Variants in ERBB4 observed in about 807,000 individuals in gnomAD.
ERBB4 encodes the protein erb-b2 receptor tyrosine kinase 4, also known as receptor tyrosine-protein kinase erbB-4.
In ERBB4, 42 loss-of-function variants were observed where a neutral mutation model predicts 158.0. That is an observed-to-expected ratio of 0.27 (90% CI 0.21 to 0.34). ERBB4 has a LOEUF of 0.34. Among genes scored for constraint, ERBB4 ranks in the 10% least tolerant of loss-of-function variants. ERBB4 has a pLI of 1.00. For synonymous variants in ERBB4, 583 were observed against 558.7 expected (o/e 1.04, Z -0.61); for missense variants, 1,333 against 1,624.1 (o/e 0.82, Z 3.08).
chr2:211,673,561 G>C (rs998029425), intron 13 of ERBB4, among the ~76,000 whole-genome samples: 4 of 107,718 alleles, frequency 3.7e-5, no homozygotes, highest in Non-Finnish European at 6.0e-5. Context: ...TGATGACACA[G>C]TAAAACCATT....
intron 3 of ERBB4, among the ~76,000 whole-genome samples, chr2:211,937,751 C>T (rs760252943): frequency 4.6e-5 from 7 of 152,082 alleles, no homozygotes; most frequent in Non-Finnish European, 8.8e-5. Context: ...GGAAAACCAA[C>T]CCCATGATTC....
intron 1 of ERBB4, among the ~76,000 whole-genome samples, chr2:212,297,075 A>T (rs2086440560): frequency 6.6e-6 from 1 of 151,978 alleles, no homozygotes; most frequent in Admixed American, 6.6e-5. Flanking sequence ...ATCATTTCAG[A>T]ATTTTAAGTC....
intron 20 of ERBB4, among the ~76,000 whole-genome samples, chr2:211,487,001 G>A (rs2065222006): frequency 6.6e-6 from 1 of 150,834 alleles, no homozygotes; most frequent in East Asian, 1.9e-4. Flanking sequence ...TTTTTTTGTA[G>A]TTTTTTTTAT....
intron 2 of ERBB4, among the ~76,000 whole-genome samples, chr2:212,099,739 T>TTG (rs932541334): frequency 2.4e-4 from 31 of 126,934 alleles, no homozygotes; most frequent in African/African-American, 7.9e-4. Context: ...TTTTACAGTT[T>TTG]TTTTTTTTTT....
chr2:212,060,201 T>G (rs572404938), intron 2 of ERBB4, among the ~76,000 whole-genome samples: 22 of 151,972 alleles, frequency 1.4e-4, no homozygotes, highest in African/African-American at 4.6e-4. Context: ...AACAGACACA[T>G]GAAAAAAATG....
Position 211,671,979 on chromosome 2 carries a change from G to T in ERBB4, c.1716+1185C>A, listed in dbSNP as rs117323697. On this transcript the variant is annotated intron_variant, in intron 14 of 27. Transcript: ENST00000342788. ...CATATTAAATTGCCTTTTACACTTT[G>T]GTTCTTCACACCAAGCAACACCACT... Among the ~76,000 whole-genome samples the T allele has an allele frequency of 4.1e-3, 621 of 152,080 alleles. 19 individuals are homozygous for T. The East Asian group carries it at 0.063, about 15-fold the overall frequency.
intron 2 of ERBB4, among the ~76,000 whole-genome samples, chr2:211,989,323 CT>C (rs1212522239): frequency 1.3e-5 from 2 of 151,854 alleles, no homozygotes; most frequent in Non-Finnish European, 2.9e-5. Flanking sequence ...TCCTTCTTGA[CT>C]TTTTCTACTT....
chr2:212,053,511 G>C (rs993613376), intron 2 of ERBB4, among the ~76,000 whole-genome samples: 1 of 152,014 alleles, frequency 6.6e-6, no homozygotes, highest in African/African-American at 2.4e-5. Context: ...CTCTAGCCTT[G>C]CTCCTCTCAT....
chr2:211,638,812 A>G (rs2070457912), intron 16 of ERBB4, among the ~76,000 whole-genome samples: 1 of 152,152 alleles, frequency 6.6e-6, no homozygotes, highest in South Asian at 2.1e-4. Context: ...CTGAGAAAAA[A>G]TTTCAAGTAG....
intron 1 of ERBB4, among the ~76,000 whole-genome samples, chr2:212,225,995 T>C (rs2083454948): frequency 6.6e-6 from 1 of 152,158 alleles, no homozygotes; most frequent in Non-Finnish European, 1.5e-5. Context: ...TCAGTTGACT[T>C]TGATGTAATG....
At chr2:212,027,451 CA>C (rs971055149) in intron 2 of ERBB4, among the ~76,000 whole-genome samples, 26 of 151,894 alleles carry the variant, frequency 1.7e-4, no homozygotes, top group African/African-American at 6.3e-4. Flanking sequence ...AAAAGTGATC[CA>C]AAAACCAGAT....
chr2:212,120,100 C>T (rs2079701699), intron 2 of ERBB4, among the ~76,000 whole-genome samples: 1 of 152,214 alleles, frequency 6.6e-6, no homozygotes, highest in South Asian at 2.1e-4. Context: ...GTGTAGGAAA[C>T]AGAAATGAAT....
chr2:211,630,387 A>T (rs2070059700), intron 17 of ERBB4, 75 bp downstream of exon 17: 1 of 1,557,004 alleles, frequency 6.4e-7, no homozygotes, highest in African/African-American at 1.4e-5. Context: ...TGGATTAAAT[A>T]ATTGAACATC....
chr2:211,807,739 C>T (rs1474593383), intron 3 of ERBB4, among the ~76,000 whole-genome samples: 1 of 152,230 alleles, frequency 6.6e-6, no homozygotes, highest in East Asian at 1.9e-4. Flanking sequence ...TACACTCCCA[C>T]CAATGGTGTG....
At chr2:212,449,118 T>C (rs2092408206) in intron 1 of ERBB4, among the ~76,000 whole-genome samples, 1 of 152,188 alleles carries the variant, frequency 6.6e-6, no homozygotes, top group African/African-American at 2.4e-5. Flanking sequence ...CATTAAAATA[T>C]CCAGATTTCT....
At chr2:212,059,257 G>C (rs1189381212) in intron 2 of ERBB4, among the ~76,000 whole-genome samples, 1 of 152,126 alleles carries the variant, frequency 6.6e-6, no homozygotes, top group Non-Finnish European at 1.5e-5. Context: ...CCTCTTCAAG[G>C]AGAACAACAA....
chr2:212,349,017 A>G (rs1205551134), intron 1 of ERBB4, among the ~76,000 whole-genome samples: 1 of 152,132 alleles, frequency 6.6e-6, no homozygotes, highest in Non-Finnish European at 1.5e-5. Flanking sequence ...CTCTGCTTTC[A>G]CAAACATGAT....
intron 1 of ERBB4, among the ~76,000 whole-genome samples, chr2:212,433,053 G>T (rs2092064172): frequency 1.3e-5 from 2 of 152,050 alleles, no homozygotes; most frequent in East Asian, 3.9e-4. Context: ...GAGCTTTGGT[G>T]TGGTAGAAAA....
Position 212,366,395 on chromosome 2 carries a change from T to C in ERBB4, c.82+172054A>G, listed in dbSNP as rs567593443. On this transcript the variant is annotated intron_variant, in intron 1 of 27. Coordinates refer to ENST00000342788, the MANE Select transcript of ERBB4 (RefSeq NM_005235.3). Reference sequence around the variant, plus strand: ...CACATCACAGAGGATATAAAAATTATGGGGAAAAAAGAACAGTGACTTTAA... The same window carrying C: ...CACATCACAGAGGATATAAAAATTACGGGGAAAAAAGAACAGTGACTTTAA... Among the ~76,000 whole-genome samples, 404 of 152,020 alleles carry C rather than the reference T, an allele frequency of 2.7e-3. 4 individuals are homozygous for C. Among genetic ancestry groups the C allele is most frequent in the Non-Finnish European group, 3.8e-3 (257 of 67,904 alleles).
Sources: gnomAD v4.1 joint callset for allele counts (sites outside exome capture counted in the v4.1 genomes callset) on GRCh38, gnomAD v4.1.1 for gene constraint, MANE v1.5 for transcripts, NCBI Gene and HGNC (gene_info 2026-07-23, HGNC 2026-07-21) for gene names.